Variants in ANKS1B observed in about 807,000 individuals in gnomAD.
The protein encoded by ANKS1B is ankyrin repeat and sterile alpha motif domain-containing protein 1B.
A neutral mutation model predicts 148.3 loss-of-function variants in ANKS1B; 36 were observed. That is an observed-to-expected ratio of 0.24 (90% confidence interval 0.19 to 0.32). The LOEUF (loss-of-function observed/expected upper bound fraction) is 0.32. Among genes scored for constraint, ANKS1B ranks in the 10% least tolerant of loss-of-function variants. The pLI is 1.00. For missense variants in ANKS1B, 1,157 were observed against 1,542.6 expected (o/e 0.75, Z 4.19); for synonymous variants, 542 against 560.8 (o/e 0.97, Z 0.47).
chr12:99,909,070 T>G (rs1200665773), intron 1 of ANKS1B, among the ~76,000 whole-genome samples: 3 of 144,054 alleles, frequency 2.1e-5, no homozygotes, highest in Admixed American at 2.1e-4. Flanking sequence ...TATATTCAAC[T>G]TTTTTTTTAG....
chr12:98,855,282 T>C (rs1303339475), intron 17 of ANKS1B, among the ~76,000 whole-genome samples: 1 of 152,186 alleles, frequency 6.6e-6, no homozygotes, highest in African/African-American at 2.4e-5. Context: ...GTACTCAAAT[T>C]CTATATCCTG....
chr12:99,526,409 C>T lies in ANKS1B; in HGVS notation c.1273-21768G>A, dbSNP rs1415049700. On this transcript the variant is annotated intron_variant, in intron 9 of 26. Transcript: ENST00000683438. ...ACATGGTACTGTAAAGCACCATTTA[C>T]AGGCATTGCATAATTATTACTCTAT... Among the ~76,000 whole-genome samples the T allele has an allele frequency of 2.6e-5, 4 of 152,150 alleles. No homozygotes were observed. The East Asian group carries it at 7.7e-4, about 29-fold the overall frequency.
intron 17 of ANKS1B, among the ~76,000 whole-genome samples, chr12:99,050,991 C>T (rs1024927553): frequency 6.6e-6 from 1 of 152,108 alleles, no homozygotes; most frequent in African/African-American, 2.4e-5. Flanking sequence ...ACCACCACGC[C>T]TGACTAGAAA....
intron 17 of ANKS1B, among the ~76,000 whole-genome samples, chr12:99,011,803 C>CAGTCTT (rs2099939583): frequency 6.6e-6 from 1 of 152,222 alleles, no homozygotes; most frequent in African/African-American, 2.4e-5. Context: ...TGTGGTAGCA[C>CAGTCTT]AGTCTTACAC....
rs974252637 is a variant in ANKS1B at position 99,784,169 on chromosome 12, T to C, written c.670-2072A>G. On this transcript the variant is annotated intron_variant, in intron 4 of 26. Transcript: ENST00000683438. Reference sequence around the variant, plus strand: ...TATGCTCCAGGCATACTGAACTTTCTTTTTTTTTTTTTTTTTTTTTGAGAC... The same window carrying C: ...TATGCTCCAGGCATACTGAACTTTCCTTTTTTTTTTTTTTTTTTTTGAGAC... Among the ~76,000 whole-genome samples, 9 of 38,508 alleles carry C rather than the reference T, an allele frequency of 2.3e-4. No homozygotes were observed. In the East Asian group the frequency reaches 3.6e-3, roughly 15 times the overall value. 25.3% of individuals were successfully genotyped at this position (38,508 alleles called of 152,430 possible).
intron 8 of ANKS1B, among the ~76,000 whole-genome samples, chr12:99,720,775 A>G (rs534621783): frequency 1.3e-5 from 2 of 152,080 alleles, no homozygotes; most frequent in South Asian, 2.1e-4. Context: ...CACCCCTACT[A>G]TCTTCTGTCT....
intron 8 of ANKS1B, among the ~76,000 whole-genome samples, chr12:99,735,666 A>G (rs2153574015): frequency 6.6e-6 from 1 of 152,166 alleles, no homozygotes; most frequent in Non-Finnish European, 1.5e-5. Flanking sequence ...CTTCACTGCC[A>G]AATTCTACCA....
chr12:99,733,875 T>C (rs938902246), intron 8 of ANKS1B, among the ~76,000 whole-genome samples: 3 of 152,250 alleles, frequency 2.0e-5, no homozygotes, highest in Non-Finnish European at 4.4e-5. Flanking sequence ...ATCTGTTTAC[T>C]GTACCCCAAC....
chr12:99,307,113 T>C (rs886233899), intron 12 of ANKS1B, among the ~76,000 whole-genome samples: 1 of 152,148 alleles, frequency 6.6e-6, no homozygotes, highest in African/African-American at 2.4e-5. Flanking sequence ...GGATCAACTC[T>C]GCTTATTAGA....
intron 17 of ANKS1B, among the ~76,000 whole-genome samples, chr12:98,978,133 C>A (rs1281641951): frequency 6.6e-6 from 1 of 151,762 alleles, no homozygotes; most frequent in African/African-American, 2.4e-5. Flanking sequence ...TAAATCTAAT[C>A]TTTGTCTTTT....
intron 12 of ANKS1B, among the ~76,000 whole-genome samples, chr12:99,361,505 G>A (rs140820086): frequency 1.4e-3 from 218 of 152,162 alleles, no homozygotes; most frequent in African/African-American, 5.0e-3. Context: ...GGAAAAGTAT[G>A]TTGAATGGGA....
chr12:99,820,128 T>C (rs529637575), intron 2 of ANKS1B, among the ~76,000 whole-genome samples: 4 of 151,998 alleles, frequency 2.6e-5, no homozygotes, highest in Non-Finnish European at 5.9e-5. Context: ...ACCATGATTT[T>C]TTCCTATCAT....
intron 9 of ANKS1B, among the ~76,000 whole-genome samples, chr12:99,570,742 C>T (rs1187666242): frequency 6.6e-6 from 1 of 151,708 alleles, no homozygotes; most frequent in Non-Finnish European, 1.5e-5. Flanking sequence ...CTCCCTATCT[C>T]TGTATGTTTG....
At position 99,983,185 on chromosome 12, in the gene ANKS1B, T is replaced by C. The variant is rs113337332; in HGVS notation, c.134+919A>G. On this transcript the variant is annotated intron_variant, in intron 1 of 26. Coordinates refer to ENST00000683438, the MANE Select transcript of ANKS1B (RefSeq NM_001352186.2). ...AGGATAAATTGGATAGCCACGATTT[T>C]AGAAACTAAAGAGCTTCCCTTGAAT... Among the ~76,000 whole-genome samples the C allele has an allele frequency of 8.1e-3, 1,237 of 152,330 alleles. 6 individuals carry two copies. Among genetic ancestry groups the C allele is most frequent in the Non-Finnish European group, 0.014 (927 of 68,028 alleles).
chr12:99,915,180 G>A (rs2094134089), intron 1 of ANKS1B, among the ~76,000 whole-genome samples: 3 of 138,976 alleles, frequency 2.2e-5, no homozygotes, highest in Non-Finnish European at 3.0e-5. Context: ...AGCTGAGGTC[G>A]CACCATTGCA....
At chr12:99,344,312 C>T (rs923777010) in intron 12 of ANKS1B, among the ~76,000 whole-genome samples, 8 of 152,042 alleles carry the variant, frequency 5.3e-5, no homozygotes, top group African/African-American at 1.9e-4. Context: ...GAAAGCTTCC[C>T]TGTTTCTGAC....
At chr12:99,936,572 T>C (rs2094777019) in intron 1 of ANKS1B, among the ~76,000 whole-genome samples, 1 of 152,230 alleles carries the variant, frequency 6.6e-6, no homozygotes, top group South Asian at 2.1e-4. Context: ...TCATTTATTA[T>C]AAGGCCTATG....
At chr12:99,040,405 C>A in intron 17 of ANKS1B, among the ~76,000 whole-genome samples, 1 of 152,136 alleles carries the variant, frequency 6.6e-6, no homozygotes, top group Admixed American at 6.6e-5. Flanking sequence ...AGAAATGGAA[C>A]TTCCTAAGTC....
chr12:99,332,026 C>T (rs745776618), intron 12 of ANKS1B, among the ~76,000 whole-genome samples: 1 of 152,044 alleles, frequency 6.6e-6, no homozygotes, highest in African/African-American at 2.4e-5. Context: ...CTGCAGGCAC[C>T]ACTAAGTAGT....
Sources: gnomAD v4.1 joint callset for allele counts (sites outside exome capture counted in the v4.1 genomes callset) on GRCh38, gnomAD v4.1.1 for gene constraint, MANE v1.5 for transcripts, NCBI Gene and HGNC (gene_info 2026-07-23, HGNC 2026-07-21) for gene names.